ARID4B: variants seen among roughly 807,000 people sequenced by gnomAD.
The protein encoded by ARID4B is AT-rich interactive domain-containing protein 4B.
Under a neutral mutation model 147.5 loss-of-function variants are expected in ARID4B, and 26 were observed. The observed-to-expected ratio is 0.18, with a 90% CI of 0.13 to 0.24. The LOEUF is 0.24. Ranked by LOEUF, ARID4B falls within the 10% of genes least tolerant of loss-of-function variation. The pLI is 1.00. For missense variants in ARID4B, 1,179 were observed against 1,511.5 expected (o/e 0.78, Z 3.65); for synonymous variants, 512 against 507.9 (o/e 1.01, Z -0.11).
chr1:235,284,359 C>T (rs1329546817), intron 2 of ARID4B, among the ~76,000 whole-genome samples: 1 of 152,056 alleles, frequency 6.6e-6, no homozygotes, highest in Non-Finnish European at 1.5e-5. Flanking sequence ...GACTCCGTCT[C>T]TGGGGGAAAA....
At chr1:235,210,383 C>T (rs529578680) in intron 17 of ARID4B, among the ~76,000 whole-genome samples, 5 of 152,074 alleles carry the variant, frequency 3.3e-5, no homozygotes, top group African/African-American at 1.2e-4. Flanking sequence ...TTTCCAATTT[C>T]ACATCTGTTA....
intron 9 of ARID4B, among the ~76,000 whole-genome samples, chr1:235,233,888 G>C (rs1451248423): frequency 6.6e-6 from 1 of 152,178 alleles, no homozygotes; most frequent in Non-Finnish European, 1.5e-5. Flanking sequence ...AGACCAGCCT[G>C]GACAACACAG....
chr1:235,247,230 T>C (rs1275524708), intron 6 of ARID4B, among the ~76,000 whole-genome samples: 1 of 151,972 alleles, frequency 6.6e-6, no homozygotes, highest in Non-Finnish European at 1.5e-5. Context: ...ACTGCCCAGA[T>C]GAAAATAAAA....
chr1:235,251,530 C>CA (rs1669644210), intron 6 of ARID4B, among the ~76,000 whole-genome samples: 1 of 151,780 alleles, frequency 6.6e-6, no homozygotes, highest in South Asian at 2.1e-4. Context: ...TTAAGAGAAG[C>CA]AAAAATTTTT....
At chr1:235,205,553 A>G (rs866222985) in intron 17 of ARID4B, among the ~76,000 whole-genome samples, 1 of 152,220 alleles carries the variant, frequency 6.6e-6, no homozygotes, top group Non-Finnish European at 1.5e-5. Context: ...TTTTCAGAAC[A>G]CTGGATTTGG....
chr1:235,268,684 A>G (rs944560694), intron 2 of ARID4B, among the ~76,000 whole-genome samples: 7 of 152,210 alleles, frequency 4.6e-5, no homozygotes, highest in African/African-American at 1.7e-4. Flanking sequence ...GCTCGCCACC[A>G]TGTCCAGCTA....
chr1:235,202,888 T>C (rs1365127766), intron 17 of ARID4B, among the ~76,000 whole-genome samples: 1 of 152,114 alleles, frequency 6.6e-6, no homozygotes, highest in Non-Finnish European at 1.5e-5. Context: ...AGACCATAAG[T>C]ACACATGTGG....
chr1:235,298,034 G>T (rs1672863862), intron 2 of ARID4B, among the ~76,000 whole-genome samples: 1 of 152,162 alleles, frequency 6.6e-6, no homozygotes, highest in South Asian at 2.1e-4. Context: ...GTTATTCATT[G>T]TGACAATGGT....
At chr1:235,250,534 A>C (rs1669578103) in intron 6 of ARID4B, among the ~76,000 whole-genome samples, 1 of 152,186 alleles carries the variant, frequency 6.6e-6, no homozygotes, top group Non-Finnish European at 1.5e-5. Flanking sequence ...GTATCCAAGG[A>C]TAAGTTCCAT....
intron 8 of ARID4B, 27 bp from the exon 9 acceptor site, chr1:235,234,519 A>G (rs1253258898): frequency 1.3e-6 from 2 of 1,505,480 alleles, no homozygotes; most frequent in African/African-American, 2.8e-5. Flanking sequence ...TGAAGCTATT[A>G]TAACTAAAAG....
At chr1:235,208,260 G>C (rs1222201804) in intron 17 of ARID4B, among the ~76,000 whole-genome samples, 1 of 152,102 alleles carries the variant, frequency 6.6e-6, no homozygotes, top group African/African-American at 2.4e-5. Flanking sequence ...ATTTCAATGT[G>C]TACCCTTACT....
intron 16 of ARID4B, among the ~76,000 whole-genome samples, chr1:235,218,534 T>C (rs181112046): frequency 1.8e-4 from 28 of 152,296 alleles, no homozygotes; most frequent in Admixed American, 1.2e-3. Flanking sequence ...CTTCTACACA[T>C]AGAAATATAA....
rs545743183 is a variant in ARID4B at position 235,294,981 on chromosome 1, C to A, written c.6+31933G>T. On this transcript the variant is annotated intron_variant, in intron 2 of 23. Coordinates refer to ENST00000264183, the MANE Select transcript of ARID4B (RefSeq NM_016374.6). ...CACAGAGAATTATTATTTCAAGTAT[C>A]TTAAATATTAATATTTATTTAAAAT... Among the ~76,000 whole-genome samples, 157 of 151,136 alleles carry A rather than the reference C, an allele frequency of 1.0e-3. 1 individual carries two copies. The highest frequency in any genetic ancestry group is 3.7e-3 in the African/African-American group (154 of 41,362).
rs925662430 is a variant in ARID4B at position 235,219,813 on chromosome 1, C to G, written c.1563G>C (p.Glu521Asp). The change falls in exon 16 of 24, where the codon GAG becomes GAC. Residue 521 changes from glutamate to aspartate, a missense_variant. By Grantham distance (45) the Glu-to-Asp change is conservative. This residue lies in a region of ARID4B where 204 missense variants were observed against 210.9 expected (regional missense o/e 0.97). Transcript: ENST00000264183. ...CTTACCCAGATTTTGCTTTTTCTTCCTCAGCTTCTACCTTTATGTTGAGGG... is the reference window on the plus strand; with the variant it reads ...CTTACCCAGATTTTGCTTTTTCTTCGTCAGCTTCTACCTTTATGTTGAGGG... Reference protein sequence around the residue: ...DESLNIKVEAEEEKAKSGDET... With the variant: ...DESLNIKVEADEEKAKSGDET... 5.6e-6 allele frequency: 9 copies of G among 1,596,972 alleles called. No individual in the cohort carries two copies. Among genetic ancestry groups the G allele is most frequent in the Middle Eastern group, 3.3e-4 (2 of 6,010 alleles).
intron 6 of ARID4B, among the ~76,000 whole-genome samples, chr1:235,251,295 A>G (rs1224872653): frequency 6.6e-6 from 1 of 152,178 alleles, no homozygotes; most frequent in Non-Finnish European, 1.5e-5. Flanking sequence ...AGAGCTCACG[A>G]AAGACATAGA....
At chr1:235,170,039 G>GTT (rs1419494653) in intron 23 of ARID4B, among the ~76,000 whole-genome samples, 7 of 151,988 alleles carry the variant, frequency 4.6e-5, no homozygotes, top group Admixed American at 1.3e-4. Context: ...TCAGTACAGG[G>GTT]GTAATAGGAT....
intron 5 of ARID4B, among the ~76,000 whole-genome samples, chr1:235,254,555 T>C (rs932775710): frequency 3.3e-5 from 5 of 151,642 alleles, no homozygotes; most frequent in Admixed American, 6.6e-5. Flanking sequence ...GGCTTTAAGA[T>C]TCAAAACTAA....
chr1:235,238,627 G>A (rs1245585063), intron 8 of ARID4B, among the ~76,000 whole-genome samples: 8 of 152,182 alleles, frequency 5.3e-5, no homozygotes, highest in African/African-American at 1.9e-4. Context: ...AAGCCAAGGT[G>A]GGAAGGTCAC....
At position 235,219,783 on chromosome 1, in the gene ARID4B, A is replaced by G. The variant is rs373136577; in HGVS notation, c.1583+10T>C. On this transcript the variant is annotated intron_variant, in intron 16 of 23. Transcript: ENST00000264183. ...CTGAAATGCATCGTAACCAAAAACA[A>G]TTTTCTTACCCAGATTTTGCTTTTT... The G allele has an allele frequency of 4.4e-6, 7 of 1,586,832 alleles. No individual in the cohort carries two copies. Among genetic ancestry groups the G allele is most frequent in the Non-Finnish European group, 6.0e-6 (7 of 1,170,826 alleles).
Sources: allele counts gnomAD v4.1 joint callset (sites outside exome capture counted in the v4.1 genomes callset), GRCh38; gene constraint gnomAD v4.1.1; regional missense constraint gnomAD v4.1.1; transcripts MANE v1.5; gene names NCBI Gene and HGNC (gene_info 2026-07-23, HGNC 2026-07-21).